The following KIRREL2 variants were observed in gnomAD, a reference collection of about 807,000 sequenced individuals.
KIRREL2 encodes the protein kirre like nephrin family adhesion molecule 2, also known as kin of IRRE-like protein 2.
KIRREL2 carries 56 observed loss-of-function variants against 73.4 expected under a neutral mutation model. The observed-to-expected ratio is 0.76, with a 90% CI of 0.62 to 0.95. The LOEUF is 0.95. Among genes scored for constraint, KIRREL2 ranks in the 40% least tolerant of loss-of-function variants. KIRREL2 has a pLI of 0.00. For synonymous variants in KIRREL2, 407 were observed against 404.0 expected (o/e 1.01, Z -0.09); for missense variants, 896 against 935.0 (o/e 0.96, Z 0.54).
chr19:35,860,455 C>T, intron 6 of KIRREL2, 53 bp downstream of exon 6: 1 of 1,605,680 alleles, frequency 6.2e-7, no homozygotes, highest in Non-Finnish European at 8.5e-7. Flanking sequence ...TTGGGAAGGG[C>T]TGGGACCTGA....
At chr19:35,863,570 A>G (rs1973808874) in intron 13 of KIRREL2, among the ~76,000 whole-genome samples, 1 of 151,506 alleles carries the variant, frequency 6.6e-6, no homozygotes. Flanking sequence ...CTCTTGCCTC[A>G]GCCTCCTGAG....
chr19:35,860,078 C>T (rs1184108952), intron 5 of KIRREL2, among the ~76,000 whole-genome samples: 3 of 152,066 alleles, frequency 2.0e-5, no homozygotes, highest in African/African-American at 7.2e-5. Context: ...GAAAGCTGGG[C>T]CTTGACTCTC....
At position 35,858,544 on chromosome 19, in the gene KIRREL2, A is replaced by G. The variant is rs765346408; in HGVS notation, c.348A>G (p.Gln116=). Residue 116 remains glutamine (Q), a synonymous_variant, in exon 3 of 15, where the codon CAA becomes CAG. Coordinates refer to ENST00000360202, the MANE Select transcript of KIRREL2 (RefSeq NM_199180.4). ...CAGGCCTCCGCTCCAGACCAGCCCA[A>G]CTGCACGTGCTGGGTAAGGACCTCG... ...TQAGLRSRPA[Q]LHVLVPPEAP... The G allele has an allele frequency of 6.2e-7, 1 of 1,614,166 alleles. No individual in the cohort carries two copies. The highest frequency in any genetic ancestry group is 8.5e-7 in the Non-Finnish European group (1 of 1,180,030).
At position 35,860,466 on chromosome 19, in the gene KIRREL2, GT is replaced by G. The variant is rs1396240490; in HGVS notation, c.780-52del. Reference sequence around the variant, plus strand: ...GAGCTTGGGAAGGGCTGGGACCTGAGTAGGTGTGCCAGAGAGGCCAGGACAA... The same window carrying G: ...GAGCTTGGGAAGGGCTGGGACCTGAGAGGTGTGCCAGAGAGGCCAGGACAA... On this transcript the variant is annotated intron_variant, in intron 6 of 14. Coordinates refer to ENST00000360202, the MANE Select transcript of KIRREL2 (RefSeq NM_199180.4). The G allele has an allele frequency of 3.1e-6, 5 of 1,604,590 alleles. No individual in the cohort carries two copies. In the East Asian group the frequency reaches 8.9e-5, roughly 29 times the overall value.
chr19:35,861,279 G>A (rs778919129), intron 9 of KIRREL2, 25 bp downstream of exon 9: 27 of 1,517,334 alleles, frequency 1.8e-5, no homozygotes, highest in Non-Finnish European at 2.4e-5. Flanking sequence ...CTTCCTAGGG[G>A]ACCTGGCCCG....
At chr19:35,865,173 C>CTTTTTTTTT (rs35569940) in intron 14 of KIRREL2, among the ~76,000 whole-genome samples, 10 of 105,212 alleles carry the variant, frequency 9.5e-5, no homozygotes, top group Non-Finnish European at 1.2e-4. Context: ...TCTCTCTCTT[C>CTTTTTTTTT]TTTTTTTTTT....
chr19:35,865,258 C>A (rs968150534), intron 14 of KIRREL2, among the ~76,000 whole-genome samples: 1 of 139,748 alleles, frequency 7.2e-6, no homozygotes, highest in Non-Finnish European at 1.5e-5. Context: ...TCACTGCAAC[C>A]TCTGCCTCCT....
chr19:35,866,009 C>T lies in KIRREL2; in HGVS notation c.1792-148C>T, dbSNP rs1973947776. The T allele has an allele frequency of 4.1e-6, 3 of 725,134 alleles. No homozygotes were observed. In the East Asian group the frequency reaches 7.7e-5, roughly 19 times the overall value. 44.9% of individuals were successfully genotyped at this position (725,134 alleles called of 1,614,324 possible). A position where few individuals can be genotyped will look rare whatever the true frequency, so the allele number is the denominator to read the frequency against. Reference sequence around the variant, plus strand: ...CCTCTGTCTCACTTTCTCTCTCTCCCAGTCCATGTGTGTCTCTGTGTCTCT... The same window carrying T: ...CCTCTGTCTCACTTTCTCTCTCTCCTAGTCCATGTGTGTCTCTGTGTCTCT... On this transcript the variant is annotated intron_variant, in intron 14 of 14. Transcript: ENST00000360202.
chr19:35,858,192 T>G (rs568849489), intron 2 of KIRREL2, among the ~76,000 whole-genome samples: 4 of 152,200 alleles, frequency 2.6e-5, no homozygotes, highest in Non-Finnish European at 4.4e-5. Context: ...TGGCAATCAT[T>G]TTCTTGCTTT....
Position 35,866,304 on chromosome 19 carries a change from G to A in KIRREL2, c.1939G>A (p.Gly647Ser), listed in dbSNP as rs1212349568. 1.9e-6 allele frequency: 3 copies of A among 1,612,332 alleles called. No individual in the cohort carries two copies. The highest frequency in any genetic ancestry group is 2.5e-6 in the Non-Finnish European group (3 of 1,178,742). The change falls in exon 15 of 15, where the codon GGC (glycine) becomes AGC (serine). Residue 647 changes from glycine (G) to serine (S), a missense_variant. Coordinates refer to ENST00000360202, the MANE Select transcript of KIRREL2 (RefSeq NM_199180.4). ...PTFYDFNPHL[G>S]MVPPCRLYRA... ...CTTCTATGACTTCAACCCACACCTG[G>A]GCATGGTCCCCCCCTGCAGACTTTA...
At position 35,861,009 on chromosome 19, in the gene KIRREL2, A is replaced by G. The variant is rs761617260; in HGVS notation, c.1029A>G (p.Val343=). ...GGCGCGGGAACCCGCTTCCACGGGT[A>G]ACCTGGACCCGCCGCGGTGGCGCGC... ...CAWRGNPLPR[V]TWTRRGGAQV... is the part of the protein sequence containing the mutation. Residue 343 remains valine (V), a synonymous_variant, in exon 8 of 15, where the codon GTA becomes GTG. Transcript: ENST00000360202. The G allele has an allele frequency of 1.2e-6, 2 of 1,611,972 alleles. No homozygotes were observed. The highest frequency in any genetic ancestry group is 1.7e-6 in the Non-Finnish European group (2 of 1,179,234).
At chr19:35,857,218 G>GGGA in intron 1 of KIRREL2, 38 bp downstream of exon 1, 1 of 1,572,688 alleles carries the variant, frequency 6.4e-7, no homozygotes, top group Non-Finnish European at 8.7e-7. Flanking sequence ...TGGGGTGGGG[G>GGGA]TGGGGAGTTG....
chr19:35,866,267 A>T lies in KIRREL2; in HGVS notation c.1902A>T (p.Pro634=). 1 of 1,598,862 alleles carries T rather than the reference A, an allele frequency of 6.3e-7. No homozygotes were observed. The highest frequency in any genetic ancestry group is 8.5e-7 in the Non-Finnish European group (1 of 1,171,536). Reference sequence around the variant, plus strand: ...CACCACCCTCCCCCCTTGGGCCCCCAGGGACCCCTACCTTCTATGACTTCA... The same window carrying T: ...CACCACCCTCCCCCCTTGGGCCCCCTGGGACCCCTACCTTCTATGACTTCA... ...FLPPPSPLGP[P]GTPTFYDFNP... The change falls in exon 15 of 15, where the codon CCA becomes CCT. Residue 634 remains proline, a synonymous_variant. Coordinates refer to ENST00000360202, the MANE Select transcript of KIRREL2 (RefSeq NM_199180.4).
intron 13 of KIRREL2, among the ~76,000 whole-genome samples, chr19:35,864,131 CT>C (rs575782044): frequency 3.3e-5 from 5 of 151,998 alleles, no homozygotes; most frequent in Admixed American, 6.6e-5. Flanking sequence ...GTCCATGCCC[CT>C]GACCCAATTA....
intron 13 of KIRREL2, among the ~76,000 whole-genome samples, chr19:35,863,372 T>A (rs1973796605): frequency 6.6e-6 from 1 of 151,392 alleles, no homozygotes; most frequent in African/African-American, 2.4e-5. Flanking sequence ...TGCAGTGAGC[T>A]ATGATTGCAC....
chr19:35,862,957 T>C lies in KIRREL2; in HGVS notation c.1646T>C (p.Leu549Pro), dbSNP rs772030881. Residue 549 changes from leucine to proline, a missense_variant, in exon 13 of 15, where the codon CTG (leucine) becomes CCG (proline). Physicochemically the swap from Leu to Pro is moderately conservative, Grantham distance 98. Transcript: ENST00000360202. ...GCCTCTTTCTCCGAGCAAAAGAACC[T>C]GATGCGAATCCCTGGCAGCAGCGAC... ...ASASFSEQKN[L>P]MRIPGSSDGS... 2.5e-6 allele frequency: 4 copies of C among 1,583,624 alleles called. No individual in the cohort carries two copies. In the East Asian group the frequency reaches 9.1e-5, roughly 36 times the overall value.
upstream of KIRREL2, among the ~76,000 whole-genome samples, chr19:35,856,145 G>A (rs1973412995): frequency 1.3e-5 from 2 of 152,164 alleles, no homozygotes; most frequent in South Asian, 4.1e-4. This position sits in a 1 kb window ranked among gnomAD's most constrained non-coding sequence, Gnocchi z 5.9. Context: ...CACCTGCTCG[G>A]CCAGCTGCGC....
Position 35,866,165 on chromosome 19 carries a change from C to G in KIRREL2, c.1800C>G (p.Thr600=), listed in dbSNP as rs1260489357. 1 of 1,607,662 alleles carries G rather than the reference C, an allele frequency of 6.2e-7. No homozygotes were observed. Among genetic ancestry groups the G allele is most frequent in the Admixed American group, 1.7e-5 (1 of 57,792 alleles). ...CCCATTTGTCCCCTCAGGACCCAAC[C>G]AACGGTTACTACAAGGTCCGAGGAG... ...EEGTLETKDP[T]NGYYKVRGVS... The change falls in exon 15 of 15, where the codon ACC becomes ACG. Residue 600 remains threonine, a synonymous_variant. Coordinates refer to ENST00000360202, the MANE Select transcript of KIRREL2 (RefSeq NM_199180.4).
At chr19:35,863,609 C>T (rs1389823796) in intron 13 of KIRREL2, among the ~76,000 whole-genome samples, 1 of 151,640 alleles carries the variant, frequency 6.6e-6, no homozygotes, top group Non-Finnish European at 1.5e-5. Context: ...CCCACCACCA[C>T]GCCTGACTGA....
Sources: gnomAD v4.1 joint callset for allele counts (sites outside exome capture counted in the v4.1 genomes callset) on GRCh38, gnomAD v4.1.1 for gene constraint, Gnocchi (gnomAD v3.1) non-coding constraint, MANE v1.5 for transcripts, NCBI Gene and HGNC (gene_info 2026-07-23, HGNC 2026-07-21) for gene names.